COMMD10: variants seen among roughly 807,000 people sequenced by gnomAD.
COMMD10 encodes the protein COMM domain-containing protein 10.
Under a neutral mutation model 28.9 loss-of-function variants are expected in COMMD10, and 33 were observed. The observed-to-expected ratio is 1.14, with a 90% CI of 0.87 to 1.53. COMMD10 has a LOEUF of 1.53. COMMD10 is among the 40% of genes most tolerant of loss of function. The pLI, the probability that COMMD10 is intolerant of heterozygous loss-of-function variation, is 0.00. For missense variants in COMMD10, 310 were observed against 233.4 expected (o/e 1.33, Z -2.14); for synonymous variants, 110 against 81.7 (o/e 1.35, Z -1.87).
At chr5:116,200,045 G>C (rs1226000428) in intron 5 of COMMD10, among the ~76,000 whole-genome samples, 1 of 152,036 alleles carries the variant, frequency 6.6e-6, no homozygotes, top group Non-Finnish European at 1.5e-5. Flanking sequence ...TTTGATACAG[G>C]CATACAATGT....
chr5:116,106,661 G>C (rs943609678), intron 4 of COMMD10, among the ~76,000 whole-genome samples: 1 of 152,018 alleles, frequency 6.6e-6, no homozygotes, highest in African/African-American at 2.4e-5. Flanking sequence ...TATGAATTGG[G>C]GTGCTCCTGT....
In COMMD10 at chr5:116,293,252, G is replaced by T; in HGVS notation, c.*763G>T. 2.8e-6 allele frequency: 1 copy of T among 354,364 alleles called. No homozygotes were observed. The highest frequency in any genetic ancestry group is 5.0e-6 in the Non-Finnish European group (1 of 198,818). The allele number at this position is 354,364 out of a possible 1,614,324, so 22.0% of individuals were successfully genotyped here. A position where few individuals can be genotyped will look rare whatever the true frequency, so the allele number is the denominator to read the frequency against. ...TTTTATATTCTCTTTCCATAAATAC[G>T]TTGATTTCTGTCAATAAAATTTTTG... On this transcript the variant is annotated 3_prime_UTR_variant, in exon 7 of 7. Transcript: ENST00000274458.
At chr5:116,085,866 G>A (rs1242172240) in intron 1 of COMMD10, among the ~76,000 whole-genome samples, 2 of 152,236 alleles carry the variant, frequency 1.3e-5, no homozygotes, top group Non-Finnish European at 1.5e-5. Context: ...CAGAAGAAAA[G>A]AGTTATTTTA....
At position 116,197,916 on chromosome 5, in the gene COMMD10, C is replaced by T. The variant is rs1748570924; in HGVS notation, c.510+63738C>T. ...AAATACTAAGTGCAGATTCACAGTT[C>T]AGTTTAGCCCAGAACTATGGATGCT... is the stretch of plus-strand genomic sequence containing the variant. On this transcript the variant is annotated intron_variant, in intron 5 of 6. Transcript: ENST00000274458. Among the ~76,000 whole-genome samples the T allele has an allele frequency of 1.3e-5, 2 of 152,108 alleles. 1 individual carries two copies. Among genetic ancestry groups the T allele is most frequent in the Non-Finnish European group, 2.9e-5 (2 of 68,018 alleles).
intron 5 of COMMD10, among the ~76,000 whole-genome samples, chr5:116,244,086 A>G (rs1299529461): frequency 6.6e-6 from 1 of 152,172 alleles, no homozygotes; most frequent in Non-Finnish European, 1.5e-5. Flanking sequence ...GATTCAAGGA[A>G]TCTGTGCTTC....
chr5:116,288,651 G>T lies in COMMD10; in HGVS notation c.511-2866G>T, dbSNP rs187712209. ...ATTTCTTCTTTCTTTTTTCTCCTCT[G>T]CTCAGTGATTTCAGATAACTTGTCT... On this transcript the variant is annotated intron_variant, in intron 5 of 6. Coordinates refer to ENST00000274458, the MANE Select transcript of COMMD10 (RefSeq NM_016144.4). 1.7e-3 allele frequency among the ~76,000 whole-genome samples: 262 copies of T among 151,224 alleles called. 5 individuals carry two copies. The highest frequency in any genetic ancestry group is 6.0e-3 in the African/African-American group (247 of 40,976).
intron 5 of COMMD10, among the ~76,000 whole-genome samples, chr5:116,276,897 A>G (rs1750931559): frequency 6.6e-6 from 1 of 151,762 alleles, no homozygotes; most frequent in South Asian, 2.1e-4. Flanking sequence ...TTGGTGGATA[A>G]TAACTAAAGG....
intron 5 of COMMD10, among the ~76,000 whole-genome samples, chr5:116,286,851 C>T (rs1021476130): frequency 4.6e-5 from 7 of 151,614 alleles, no homozygotes; most frequent in African/African-American, 1.7e-4. Flanking sequence ...TAGAGTGTTC[C>T]GTATATGTCT....
At chr5:116,243,907 A>G (rs142145816) in intron 5 of COMMD10, among the ~76,000 whole-genome samples, 6 of 152,276 alleles carry the variant, frequency 3.9e-5, no homozygotes, top group South Asian at 2.1e-4. Context: ...ATTAAATACT[A>G]TCCCCACTCC....
chr5:116,156,670 T>C (rs1435642381), intron 5 of COMMD10, among the ~76,000 whole-genome samples: 1 of 152,174 alleles, frequency 6.6e-6, no homozygotes, highest in African/African-American at 2.4e-5. Context: ...CTTAGAATTT[T>C]TGTAGGCATT....
intron 5 of COMMD10, among the ~76,000 whole-genome samples, chr5:116,214,339 T>G (rs1749045172): frequency 6.6e-6 from 1 of 152,174 alleles, no homozygotes; most frequent in South Asian, 2.1e-4. Context: ...AATGAGCAAA[T>G]GTGAAGCTGT....
At chr5:116,160,386 C>T (rs2112566001) in intron 5 of COMMD10, among the ~76,000 whole-genome samples, 1 of 152,172 alleles carries the variant, frequency 6.6e-6, no homozygotes, top group East Asian at 1.9e-4. Flanking sequence ...GTATTCTGAC[C>T]TTCTCATAGT....
chr5:116,278,315 A>C (rs921087069), intron 5 of COMMD10, among the ~76,000 whole-genome samples: 10 of 151,814 alleles, frequency 6.6e-5, no homozygotes, highest in Non-Finnish European at 1.3e-4. Context: ...TTCAGCAACC[A>C]TAGCTAAATA....
At chr5:116,088,443 A>G (rs1178797777) in intron 2 of COMMD10, among the ~76,000 whole-genome samples, 1 of 152,156 alleles carries the variant, frequency 6.6e-6, no homozygotes, top group Non-Finnish European at 1.5e-5. Flanking sequence ...ATTACTTTCT[A>G]AATTTTTTTT....
intron 5 of COMMD10, among the ~76,000 whole-genome samples, chr5:116,185,275 G>A (rs1367960366): frequency 6.6e-6 from 1 of 152,000 alleles, no homozygotes; most frequent in African/African-American, 2.4e-5. Flanking sequence ...TGTGCTCTGA[G>A]TCCTAGGTGT....
intron 5 of COMMD10, among the ~76,000 whole-genome samples, chr5:116,226,831 C>G (rs529812709): frequency 6.6e-6 from 1 of 152,082 alleles, no homozygotes; most frequent in Non-Finnish European, 1.5e-5. Context: ...AAGGATATTC[C>G]TATTTTCTGT....
At chr5:116,111,434 T>TTTGCTGTGTCCTACAGGTTTTTGTA (rs70978603) in intron 4 of COMMD10, among the ~76,000 whole-genome samples, 73,747 of 150,808 alleles carry the variant, frequency 0.49, 21,196 homozygotes, top group Non-Finnish European at 0.65. Flanking sequence ...TAGCACTGGT[T>TTTGCTGTGTCCTACAGGTTTTTGTA]TTGCTGTGTC....
At chr5:116,291,436 A>G (rs1751357140) in intron 5 of COMMD10, 81 bp from the exon 6 acceptor site, 1 of 959,012 alleles carries the variant, frequency 1.0e-6, no homozygotes, top group Non-Finnish European at 1.7e-6. Context: ...CTTATGTCAT[A>G]TTCTGAGGTT....
chr5:116,195,241 C>T (rs529046615), intron 5 of COMMD10, among the ~76,000 whole-genome samples: 76 of 152,220 alleles, frequency 5.0e-4, no homozygotes, highest in African/African-American at 1.7e-3. Flanking sequence ...AGCATTTCCT[C>T]TGAGAACTGG....
Sources: gnomAD v4.1 joint callset for allele counts (sites outside exome capture counted in the v4.1 genomes callset) on GRCh38, gnomAD v4.1.1 for gene constraint, MANE v1.5 for transcripts, NCBI Gene and HGNC (gene_info 2026-07-23, HGNC 2026-07-21) for gene names.